The following ZNF879 variants were observed in gnomAD, a reference collection of about 807,000 sequenced individuals.
ZNF879 encodes the protein zinc finger protein 879.
In ZNF879, 32 loss-of-function variants were observed where a neutral mutation model predicts 44.3. The observed-to-expected ratio is 0.72, with a 90% CI of 0.54 to 0.97. ZNF879 has a LOEUF of 0.97. Among genes scored for constraint, ZNF879 ranks in the 50% least tolerant of loss-of-function variants. The pLI is 0.00. For synonymous variants in ZNF879, 234 were observed against 233.2 expected, an observed-to-expected ratio of 1.00 and a Z score of -0.03; for missense variants, 621 against 669.7, an observed-to-expected ratio of 0.93 and a Z score of 0.80.
rs766819832 is a variant in ZNF879 at position 179,032,187 on chromosome 5, A to G, written c.257-18A>G. On this transcript the variant is annotated intron_variant, in intron 4 of 4. Transcript: ENST00000444149. ...AATTCTGAGTTCAAGAGAGACTTAT[A>G]TGTTTTGTCTACTTTAGGATGGGAA... 424 of 1,468,476 alleles carry G rather than the reference A, an allele frequency of 2.9e-4. 4 individuals are homozygous for G. In the Middle Eastern group the frequency reaches 0.014, roughly 47 times the overall value. The allele number at this position is 1,468,476 out of a possible 1,614,324, so 91.0% of individuals were successfully genotyped here.
intron 3 of ZNF879, among the ~76,000 whole-genome samples, 196 bp from the exon 4 acceptor site, chr5:179,027,836 C>G (rs756841784): frequency 6.6e-6 from 1 of 152,140 alleles, no homozygotes; most frequent in Non-Finnish European, 1.5e-5. Context: ...ACAGGGTGTT[C>G]CTGCTGAGAG....
chr5:179,024,703 C>A, intron 1 of ZNF879: 1 of 410,968 alleles, frequency 2.4e-6, no homozygotes, highest in Non-Finnish European at 4.5e-6. Context: ...CTGCCCTTGA[C>A]CCTGTTAAGG....
chr5:179,027,984 C>T lies in ZNF879; in HGVS notation c.161-48C>T, dbSNP rs746942233. On this transcript the variant is annotated intron_variant, in intron 3 of 4. Transcript: ENST00000444149. ...CTGCCCTGGGCACTCTGGGGCTGGA[C>T]CCGCCTGCTACGATGGCCGCTCACG... 3.4e-5 allele frequency: 51 copies of T among 1,516,578 alleles called. No homozygotes were observed. The South Asian group carries it at 5.5e-4, about 16-fold the overall frequency. The allele number at this position is 1,516,578 out of a possible 1,614,324, so 93.9% of individuals were successfully genotyped here. A position where few individuals can be genotyped will look rare whatever the true frequency, so the allele number is the denominator to read the frequency against.
At chr5:179,025,210 CTT>C (rs535303170) in intron 2 of ZNF879, among the ~76,000 whole-genome samples, 173 bp downstream of exon 2, 2 of 143,394 alleles carry the variant, frequency 1.4e-5, no homozygotes, top group African/African-American at 2.6e-5. Context: ...CTGTCTCATG[CTT>C]TTTTTTTTTT....
rs146216019 is a variant in ZNF879 at position 179,028,113 on chromosome 5, A to G, written c.242A>G (p.Gln81Arg). The change falls in exon 4 of 5, where the codon CAA (glutamine) becomes CGA (arginine). Residue 81 changes from glutamine to arginine, a missense_variant. By Grantham distance (43) the Gln-to-Arg change is conservative. Transcript: ENST00000444149. ...TGGATGGTGGAGAGTGGAGTTCCCC[A>G]AGGCGCACATCTCGGTGAGTGACAG... ...DPWMVESGVP[Q>R]GAHLGWESLF... is the part of the protein sequence containing the mutation. The G allele has an allele frequency of 0.012, 18,502 of 1,551,214 alleles. 138 individuals are homozygous for G. The highest frequency in any genetic ancestry group is 0.015 in the Non-Finnish European group (16,724 of 1,146,774).
At chr5:179,028,964 T>C (rs1308591527) in intron 4 of ZNF879, among the ~76,000 whole-genome samples, 1 of 152,220 alleles carries the variant, frequency 6.6e-6, no homozygotes, top group African/African-American at 2.4e-5. Flanking sequence ...TTTTTCCCTT[T>C]GGCTCGACTA....
Position 179,029,012 on chromosome 5 carries a change from A to G in ZNF879, c.256+885A>G, listed in dbSNP as rs181792425. On this transcript the variant is annotated intron_variant, in intron 4 of 4. Coordinates refer to ENST00000444149, the MANE Select transcript of ZNF879 (RefSeq NM_001136116.3). ...GGGTAACGGTTTTCAAAAAAGGTTC[A>G]TGTGTGCAATATCTGTACGTGTCAA... Among the ~76,000 whole-genome samples the G allele has an allele frequency of 1.8e-3, 271 of 151,454 alleles. 1 individual carries two copies. The highest frequency in any genetic ancestry group is 6.2e-3 in the African/African-American group (255 of 41,268).
At chr5:179,031,511 C>G (rs888442348) in intron 4 of ZNF879, among the ~76,000 whole-genome samples, 3 of 152,210 alleles carry the variant, frequency 2.0e-5, no homozygotes, top group African/African-American at 7.2e-5. Flanking sequence ...ATTTTCTCAT[C>G]ACCCAGTTTA....
chr5:179,033,356 G>A lies in ZNF879; in HGVS notation c.1408G>A (p.Gly470Ser). 1 of 1,563,434 alleles carries A rather than the reference G, an allele frequency of 6.4e-7. No homozygotes were observed. Among genetic ancestry groups the A allele is most frequent in the Non-Finnish European group, 8.7e-7 (1 of 1,153,870 alleles). Reference protein sequence around the residue: ...ECGKAFSSHSGVNTHRKIHTG... With the variant: ...ECGKAFSSHSSVNTHRKIHTG... The stretch of plus-strand genomic sequence containing the variant: ...TGGAAAAGCCTTCAGTTCCCACTCA[G>A]GCGTTAATACTCATCGAAAAATTCA... The change falls in exon 5 of 5, where the codon GGC (glycine) becomes AGC (serine). Residue 470 changes from glycine (G) to serine (S), a missense_variant. By Grantham distance (56) the Gly-to-Ser change is moderately conservative. Coordinates refer to ENST00000444149, the MANE Select transcript of ZNF879 (RefSeq NM_001136116.3).
At chr5:179,027,448 A>T (rs752488508) in intron 2 of ZNF879, 25 bp from the exon 3 acceptor site, 1 of 1,612,940 alleles carries the variant, frequency 6.2e-7, no homozygotes, top group Non-Finnish European at 8.5e-7. Context: ...GTCCTGGATG[A>T]ACAGGAGTGG....
chr5:179,031,563 G>A (rs1029380928), intron 4 of ZNF879, among the ~76,000 whole-genome samples: 42 of 152,134 alleles, frequency 2.8e-4, no homozygotes, highest in Non-Finnish European at 6.0e-4. Context: ...TGCTTCGTTC[G>A]TGTTTTCTTA....
rs1399242362 is a variant in ZNF879 at position 179,033,511 on chromosome 5, C to T, written c.1563C>T (p.Phe521=). Residue 521 remains phenylalanine, a synonymous_variant, in exon 5 of 5, where the codon TTC becomes TTT. Transcript: ENST00000444149. ...ATTGTAAAGTGTGTGGGAAAGCCTTCAGACAGAGTTCATCCCTTATGACAC... is the reference window on the plus strand; with the variant it reads ...ATTGTAAAGTGTGTGGGAAAGCCTTTAGACAGAGTTCATCCCTTATGACAC... ...PYNCKVCGKA[F]RQSSSLMTHM... 4 of 1,557,950 alleles carry T rather than the reference C, an allele frequency of 2.6e-6. No homozygotes were observed. The Admixed American group carries it at 5.8e-5, about 23-fold the overall frequency.
rs112873358 is a variant in ZNF879, at chr5:179,030,812, G to A, written c.257-1393G>A. On this transcript the variant is annotated intron_variant, in intron 4 of 4. Transcript: ENST00000444149. ...TTTTGAATCAATGATTCCATTTCTT[G>A]TACTGTATCTTAAGTAACCAAAAAG... Among the ~76,000 whole-genome samples the A allele has an allele frequency of 8.4e-3, 1,279 of 152,136 alleles. 20 individuals are homozygous for A. Among genetic ancestry groups the A allele is most frequent in the African/African-American group, 0.028 (1,181 of 41,492 alleles).
At chr5:179,027,946 C>G (rs140639042) in intron 3 of ZNF879, 86 bp from the exon 4 acceptor site, 3 of 1,182,460 alleles carry the variant, frequency 2.5e-6, no homozygotes, top group Non-Finnish European at 2.5e-6. Flanking sequence ...TCCTCCTTCC[C>G]TGTACTGCCC....
At chr5:179,030,975 C>T (rs959975566) in intron 4 of ZNF879, among the ~76,000 whole-genome samples, 8 of 152,270 alleles carry the variant, frequency 5.3e-5, no homozygotes, top group South Asian at 2.1e-4. Flanking sequence ...ATTGCCTCTG[C>T]GCTCTATTCG....
At position 179,028,066 on chromosome 5, in the gene ZNF879, G is replaced by T. The variant is rs1228536404; in HGVS notation, c.195G>T (p.Gln65His). 1.3e-6 allele frequency: 2 copies of T among 1,551,554 alleles called. No individual in the cohort carries two copies. The highest frequency in any genetic ancestry group is 1.7e-6 in the Non-Finnish European group (2 of 1,146,978). The change falls in exon 4 of 5, where the codon CAG (glutamine) becomes CAT (histidine). Residue 65 changes from glutamine (Q) to histidine (H), a missense_variant. Physicochemically the swap from Gln to His is conservative, Grantham distance 24. Coordinates refer to ENST00000444149, the MANE Select transcript of ZNF879 (RefSeq NM_001136116.3). The part of the protein sequence containing the change: ...ILFSKPKVIS[Q>H]LEQGEDPWMV... ...TTTCCAAGCCAAAGGTCATCTCCCA[G>T]TTAGAGCAAGGAGAAGACCCCTGGA... is the stretch of plus-strand genomic sequence containing the variant.
At position 179,032,338 on chromosome 5, in the gene ZNF879, A is replaced by G. The variant is rs71611477; in HGVS notation, c.390A>G (p.Gln130=). 1.9e-6 allele frequency: 3 copies of G among 1,551,236 alleles called. No homozygotes were observed. The highest frequency in any genetic ancestry group is 2.7e-5 in the African/African-American group (2 of 73,038). The change falls in exon 5 of 5, where the codon CAA becomes CAG. Residue 130 remains glutamine, a synonymous_variant. Coordinates refer to ENST00000444149, the MANE Select transcript of ZNF879 (RefSeq NM_001136116.3). ...TAAATGAAGATAAGTTAGAGAAGCA[A>G]CAAGGCAAAAAGAACAGACTTTTCA... ...TYINEDKLEK[Q]QGKKNRLFSK...
At position 179,032,554 on chromosome 5, in the gene ZNF879, A is replaced by G; in HGVS notation, c.606A>G (p.Lys202=). The change falls in exon 5 of 5, where the codon AAA becomes AAG. Residue 202 remains lysine (K), a synonymous_variant. Coordinates refer to ENST00000444149, the MANE Select transcript of ZNF879 (RefSeq NM_001136116.3). ...FKQLGVNTVR[K]CYKCNICGKI... is the part of the protein sequence containing the mutation. ...AACTGGGGGTCAACACAGTGCGTAA[A>G]TGTTATAAATGTAATATCTGTGGGA... 1.3e-6 allele frequency: 2 copies of G among 1,551,994 alleles called. No homozygotes were observed. The highest frequency in any genetic ancestry group is 1.7e-6 in the Non-Finnish European group (2 of 1,147,168).
intron 1 of ZNF879, among the ~76,000 whole-genome samples, chr5:179,024,223 T>C (rs6859944): frequency 0.61 from 93,346 of 152,016 alleles, 28,965 homozygotes; most frequent in East Asian, 0.84. Flanking sequence ...TCGCTCTTAG[T>C]GTTTGTGGGT....
Sources: gnomAD v4.1 joint callset for allele counts (sites outside exome capture counted in the v4.1 genomes callset) on GRCh38, gnomAD v4.1.1 for gene constraint, MANE v1.5 for transcripts, NCBI Gene and HGNC (gene_info 2026-07-23, HGNC 2026-07-21) for gene names.